The following GPC6 variants were observed in gnomAD, a reference collection of about 807,000 sequenced individuals.
The protein encoded by GPC6 is glypican-6.
GPC6 carries 14 observed loss-of-function variants against 55.2 expected under a neutral mutation model. That is an observed-to-expected ratio of 0.25 (90% CI 0.17 to 0.40). The LOEUF (loss-of-function observed/expected upper bound fraction) is 0.40, where lower values mean the gene tolerates loss of function less well. Ranked by LOEUF, GPC6 falls within the 10% of genes least tolerant of loss-of-function variation. The pLI is 1.00. For synonymous variants in GPC6, 278 were observed against 259.6 expected, an observed-to-expected ratio of 1.07 and a Z score of -0.68; for missense variants, 641 against 708.5, an observed-to-expected ratio of 0.90 and a Z score of 1.08.
At chr13:93,714,441 T>C (rs1883182473) in intron 2 of GPC6, among the ~76,000 whole-genome samples, 1 of 151,906 alleles carries the variant, frequency 6.6e-6, no homozygotes, top group South Asian at 2.1e-4. Context: ...CAACAGATGC[T>C]GGCATGGCTG....
intron 1 of GPC6, among the ~76,000 whole-genome samples, chr13:93,326,339 T>C (rs1293892704): frequency 1.3e-5 from 2 of 152,154 alleles, no homozygotes; most frequent in African/African-American, 2.4e-5. Flanking sequence ...TCTTTACTTA[T>C]TACTGCCAGG....
intron 4 of GPC6, among the ~76,000 whole-genome samples, chr13:94,114,627 G>C (rs558703410): frequency 6.6e-6 from 1 of 152,156 alleles, no homozygotes; most frequent in East Asian, 1.9e-4. Flanking sequence ...TCAGGTGTAC[G>C]TATAGAAGTT....
At chr13:93,839,262 G>T (rs1475002144) in intron 3 of GPC6, among the ~76,000 whole-genome samples, 1 of 152,100 alleles carries the variant, frequency 6.6e-6, no homozygotes, top group Admixed American at 6.6e-5. Context: ...TTCGTGGACT[G>T]CTGCATGTTC....
At chr13:94,302,630 G>A (rs1037919023) in intron 5 of GPC6, among the ~76,000 whole-genome samples, 6 of 152,128 alleles carry the variant, frequency 3.9e-5, no homozygotes, top group Non-Finnish European at 8.8e-5. Context: ...CAAAAACAAC[G>A]GCAAAGTACT....
chr13:93,466,934 A>G (rs1174648146), intron 1 of GPC6, among the ~76,000 whole-genome samples: 1 of 152,196 alleles, frequency 6.6e-6, no homozygotes, highest in Non-Finnish European at 1.5e-5. Context: ...CCTCAAAATA[A>G]ATGCTTGAGA....
intron 2 of GPC6, among the ~76,000 whole-genome samples, chr13:93,779,858 G>C (rs990553068): frequency 1.3e-5 from 2 of 152,134 alleles, no homozygotes; most frequent in African/African-American, 2.4e-5. Flanking sequence ...ACTCTATAAA[G>C]AAAGACCATT....
At chr13:94,087,375 C>T (rs961028337) in intron 4 of GPC6, among the ~76,000 whole-genome samples, 26 of 152,192 alleles carry the variant, frequency 1.7e-4, no homozygotes, top group African/African-American at 6.0e-4. Context: ...ATGAAAGCTA[C>T]GCCTTAAAAC....
At chr13:93,289,536 A>G (rs529719445) in intron 1 of GPC6, among the ~76,000 whole-genome samples, 17 of 152,202 alleles carry the variant, frequency 1.1e-4, no homozygotes, top group Non-Finnish European at 2.9e-5. Context: ...TATGTAGTAT[A>G]TAAATATTTA....
intron 2 of GPC6, among the ~76,000 whole-genome samples, chr13:93,652,069 A>AT (rs1880444114): frequency 1.3e-5 from 2 of 152,182 alleles, no homozygotes; most frequent in African/African-American, 4.8e-5. Flanking sequence ...AACCATATAG[A>AT]AGTCCTAATT....
chr13:93,544,854 ATCT>A (rs1874691693), intron 1 of GPC6, among the ~76,000 whole-genome samples: 1 of 152,140 alleles, frequency 6.6e-6, no homozygotes, highest in African/African-American at 2.4e-5. Flanking sequence ...GACAGTTATC[ATCT>A]TTTCTTGCTT....
At chr13:93,471,358 C>CAA (rs59410717) in intron 1 of GPC6, among the ~76,000 whole-genome samples, 1 of 123,154 alleles carries the variant, frequency 8.1e-6, no homozygotes, top group African/African-American at 3.1e-5. Flanking sequence ...TCTAAAAATA[C>CAA]AAAAAAAAAA....
intron 1 of GPC6, among the ~76,000 whole-genome samples, chr13:93,246,761 A>G (rs1876614962): frequency 7.9e-6 from 1 of 127,332 alleles, no homozygotes; most frequent in African/African-American, 3.0e-5. Flanking sequence ...CACTGCATTC[A>G]GGCCTGGGCG....
intron 2 of GPC6, among the ~76,000 whole-genome samples, chr13:93,620,961 T>C (rs9556311): frequency 1.3e-5 from 2 of 152,168 alleles, no homozygotes; most frequent in African/African-American, 4.8e-5. Context: ...CCCCCCAGTA[T>C]AATCAATGAG....
intron 4 of GPC6, among the ~76,000 whole-genome samples, chr13:94,087,520 A>G (rs1885330521): frequency 6.6e-6 from 1 of 152,222 alleles, no homozygotes; most frequent in Admixed American, 6.5e-5. Context: ...GTTTATTAAG[A>G]TCCCAATATG....
chr13:94,144,212 C>A (rs1270769486), intron 4 of GPC6, among the ~76,000 whole-genome samples: 1 of 152,002 alleles, frequency 6.6e-6, no homozygotes, highest in Non-Finnish European at 1.5e-5. Context: ...CCACAGAGGG[C>A]AGGGTCTGTA....
intron 2 of GPC6, among the ~76,000 whole-genome samples, chr13:93,701,416 C>A (rs900166049): frequency 6.6e-5 from 10 of 151,918 alleles, no homozygotes; most frequent in African/African-American, 2.4e-4. Context: ...TGCTAATGAT[C>A]ATCTGAGCAC....
intron 3 of GPC6, among the ~76,000 whole-genome samples, chr13:93,937,294 G>GA (rs1169806560): frequency 6.6e-6 from 1 of 152,136 alleles, no homozygotes; most frequent in East Asian, 1.9e-4. Flanking sequence ...AGGTTGAAAA[G>GA]AAAATTTCAA....
intron 2 of GPC6, among the ~76,000 whole-genome samples, chr13:93,554,648 A>G (rs1012078436): frequency 6.6e-6 from 1 of 152,206 alleles, no homozygotes; most frequent in Non-Finnish European, 1.5e-5. Context: ...TTTTCACTGA[A>G]TGACCAACAT....
intron 2 of GPC6, among the ~76,000 whole-genome samples, chr13:93,598,995 TCTA>T (rs1877889546): frequency 6.6e-6 from 1 of 152,344 alleles, no homozygotes; most frequent in South Asian, 2.1e-4. Context: ...TTGCAACAGT[TCTA>T]CTCTTCATAC....
Sources: allele counts gnomAD v4.1 joint callset (sites outside exome capture counted in the v4.1 genomes callset), GRCh38; gene constraint gnomAD v4.1.1; transcripts MANE v1.5; gene names NCBI Gene and HGNC (gene_info 2026-07-23, HGNC 2026-07-21).